Variants in ANKH observed in about 807,000 individuals in gnomAD.
ANKH encodes mineralization regulator ANKH.
A neutral mutation model predicts 49.0 loss-of-function variants in ANKH; 15 were observed. That is an observed-to-expected ratio of 0.31 (90% CI 0.20 to 0.47). The LOEUF is 0.47. Among genes scored for constraint, ANKH ranks in the 20% least tolerant of loss-of-function variants. The pLI is 1.00. For missense variants in ANKH, 429 were observed against 652.0 expected, an observed-to-expected ratio of 0.66 and a Z score of 3.72; for synonymous variants, 273 against 260.0, an observed-to-expected ratio of 1.05 and a Z score of -0.48.
chr5:14,778,085 C>A (rs1739688765), intron 1 of ANKH, among the ~76,000 whole-genome samples: 1 of 152,172 alleles, frequency 6.6e-6, no homozygotes, highest in African/African-American at 2.4e-5. Flanking sequence ...GCTGCTGTCA[C>A]CCAGCAGCTG....
Position 14,756,481 on chromosome 5 carries a change from G to A in ANKH, c.433-537C>T, listed in dbSNP as rs373912266. Among the ~76,000 whole-genome samples the A allele has an allele frequency of 3.5e-4, 53 of 152,314 alleles. 2 individuals carry two copies. Among genetic ancestry groups the A allele is most frequent in the African/African-American group, 1.2e-3 (51 of 41,562 alleles). ...TACGAGGGGAGCAGACGAAAAGCCCGAGGAACAGCAGGTCTGGAGAAGGTT... is the reference window on the plus strand; with the variant it reads ...TACGAGGGGAGCAGACGAAAAGCCCAAGGAACAGCAGGTCTGGAGAAGGTT... On this transcript the variant is annotated intron_variant, in intron 3 of 11. Coordinates refer to ENST00000284268, the MANE Select transcript of ANKH (RefSeq NM_054027.6).
At chr5:14,838,850 A>C (rs1172836775) in intron 1 of ANKH, among the ~76,000 whole-genome samples, 3 of 152,162 alleles carry the variant, frequency 2.0e-5, no homozygotes, top group Non-Finnish European at 4.4e-5. Flanking sequence ...GTGCCCAGGA[A>C]AAAACCCAGC....
At chr5:14,862,775 A>G (rs1735534734) in intron 1 of ANKH, among the ~76,000 whole-genome samples, 1 of 152,206 alleles carries the variant, frequency 6.6e-6, no homozygotes, top group African/African-American at 2.4e-5. Flanking sequence ...GATCTAAACA[A>G]TTTGAGGGCA....
intron 2 of ANKH, among the ~76,000 whole-genome samples, chr5:14,763,197 C>T (rs138236755): frequency 1.1e-3 from 171 of 152,306 alleles, no homozygotes; most frequent in Non-Finnish European, 1.9e-3. Context: ...ATCTGAGAAC[C>T]ATTATTCTAA....
intron 1 of ANKH, among the ~76,000 whole-genome samples, chr5:14,836,660 G>A (rs1206902690): frequency 1.3e-5 from 2 of 152,154 alleles, no homozygotes; most frequent in African/African-American, 4.8e-5. Flanking sequence ...TCATGGATAG[G>A]AAGAATCAAT....
intron 2 of ANKH, among the ~76,000 whole-genome samples, chr5:14,762,953 C>A (rs953203645): frequency 1.3e-5 from 2 of 152,144 alleles, no homozygotes; most frequent in Non-Finnish European, 2.9e-5. Flanking sequence ...ATTGCAACAG[C>A]AAGAAGACAC....
intron 11 of ANKH, 69 bp from the exon 12 acceptor site, chr5:14,711,379 G>T: frequency 7.3e-7 from 1 of 1,371,790 alleles, no homozygotes; most frequent in Non-Finnish European, 1.0e-6. Flanking sequence ...CCACGAGCAG[G>T]GAGACAACAC....
At chr5:14,804,720 A>G (rs1355969832) in intron 1 of ANKH, among the ~76,000 whole-genome samples, 1 of 152,222 alleles carries the variant, frequency 6.6e-6, no homozygotes, top group Non-Finnish European at 1.5e-5. Flanking sequence ...GGAAATGGAT[A>G]CTTTCTATGT....
intron 1 of ANKH, among the ~76,000 whole-genome samples, chr5:14,823,219 G>A (rs1026495404): frequency 2.0e-5 from 3 of 152,100 alleles, no homozygotes; most frequent in Non-Finnish European, 2.9e-5. Flanking sequence ...TCCATGAGTA[G>A]TCAGAAAGCC....
rs147839508 is a variant in ANKH, at chr5:14,853,536, C to A, written c.96+17816G>T. 2.8e-3 allele frequency among the ~76,000 whole-genome samples: 428 copies of A among 152,238 alleles called. 2 individuals are homozygous for A. Among genetic ancestry groups the A allele is most frequent in the Middle Eastern group, 0.014 (4 of 294 alleles). ...AGGTCGCAGTGAGCTGAGATTGTGC[C>A]ACTGCACTCCAGCCTGGGTGACAGA... On this transcript the variant is annotated intron_variant, in intron 1 of 11. Transcript: ENST00000284268.
intron 1 of ANKH, among the ~76,000 whole-genome samples, chr5:14,771,933 A>ACAC (rs1561048070): frequency 4.8e-5 from 7 of 145,296 alleles, no homozygotes; most frequent in Admixed American, 2.1e-4. Context: ...AAAAAAAAAA[A>ACAC]AAAAAAAAAA....
chr5:14,856,044 G>A (rs1048850217), intron 1 of ANKH, among the ~76,000 whole-genome samples: 6 of 151,910 alleles, frequency 3.9e-5, no homozygotes, highest in African/African-American at 1.5e-4. Flanking sequence ...GGCAGGGTGT[G>A]GTGGCTCAAG....
intron 1 of ANKH, among the ~76,000 whole-genome samples, chr5:14,850,128 CACTGGCTTGACG>C (rs1222112746): frequency 1.3e-5 from 2 of 152,336 alleles, no homozygotes; most frequent in East Asian, 3.9e-4. Context: ...TAGCTGGTCT[CACTGGCTTGACG>C]AGGAACCCGC....
rs1355222312 is a variant in ANKH at position 14,770,409 on chromosome 5, G to GT, written c.97-1219dup. Among the ~76,000 whole-genome samples the GT allele has an allele frequency of 1.3e-5, 2 of 152,124 alleles. No individual in the cohort carries two copies. The highest frequency in any genetic ancestry group is 3.4e-3 in the Middle Eastern group (1 of 294). On this transcript the variant is annotated intron_variant, in intron 1 of 11. Transcript: ENST00000284268. This position sits in a 1 kb window ranked among gnomAD's most constrained non-coding sequence, Gnocchi z 4.1. ...GCCTGAAACCATGGAAAGTACCTAT[G>GT]TTTTTTCCTATATATACTATGTTTT...
At chr5:14,851,907 AG>A (rs1742131981) in intron 1 of ANKH, among the ~76,000 whole-genome samples, 1 of 152,262 alleles carries the variant, frequency 6.6e-6, no homozygotes, top group Non-Finnish European at 1.5e-5. Context: ...ATGAAGGTAC[AG>A]GTAGGCCTAA....
intron 1 of ANKH, among the ~76,000 whole-genome samples, chr5:14,867,810 C>T (rs1298288683): frequency 2.6e-5 from 4 of 152,202 alleles, no homozygotes; most frequent in East Asian, 1.9e-4. Flanking sequence ...CCACCCGCCT[C>T]GGCCTCCCAA....
Position 14,713,735 on chromosome 5 carries a change from C to T in ANKH, c.1142-68G>A. ...CACTCCCCATCCTGCTGCCTCTGGA[C>T]CAGGGCAGCACATCCGAGAGCCAGG... is the stretch of plus-strand genomic sequence containing the variant. On this transcript the variant is annotated intron_variant, in intron 9 of 11. Coordinates refer to ENST00000284268, the MANE Select transcript of ANKH (RefSeq NM_054027.6). This position sits in a 1 kb window ranked among gnomAD's most constrained non-coding sequence, Gnocchi z 4.4. The T allele has an allele frequency of 6.2e-7, 1 of 1,609,108 alleles. No individual in the cohort carries two copies. Among genetic ancestry groups the T allele is most frequent in the Non-Finnish European group, 8.5e-7 (1 of 1,178,036 alleles).
rs1490911366 is a variant in ANKH, at chr5:14,745,228, A to AG, written c.915+641_915+642insC. 1.3e-5 allele frequency among the ~76,000 whole-genome samples: 2 copies of AG among 152,044 alleles called. No individual in the cohort carries two copies. Among genetic ancestry groups the AG allele is most frequent in the African/African-American group, 4.8e-5 (2 of 41,344 alleles). On this transcript the variant is annotated intron_variant, in intron 7 of 11. Coordinates refer to ENST00000284268, the MANE Select transcript of ANKH (RefSeq NM_054027.6). This position sits in a 1 kb window ranked among gnomAD's most constrained non-coding sequence, Gnocchi z 4.7. Reference sequence around the variant, plus strand: ...ACCAGCCATTTGTTTTAGAGTATTAAAAAAAGTCTATAGGTTTAAATGATA... The same window carrying AG: ...ACCAGCCATTTGTTTTAGAGTATTAAGAAAAAGTCTATAGGTTTAAATGATA...
chr5:14,718,458 C>T (rs1046543360), intron 8 of ANKH, among the ~76,000 whole-genome samples: 2 of 152,050 alleles, frequency 1.3e-5, no homozygotes, highest in Non-Finnish European at 2.9e-5. Flanking sequence ...CTGATATCCC[C>T]AGAGAAATGG....
Sources: gnomAD v4.1 joint callset for allele counts (sites outside exome capture counted in the v4.1 genomes callset) on GRCh38, gnomAD v4.1.1 for gene constraint, Gnocchi (gnomAD v3.1) non-coding constraint, MANE v1.5 for transcripts, NCBI Gene and HGNC (gene_info 2026-07-23, HGNC 2026-07-21) for gene names.